Variants in EFNA5 observed in about 807,000 individuals in gnomAD.
EFNA5 encodes the protein ephrin A5, also known as ephrin-A5.
In EFNA5, 5 loss-of-function variants were observed where a neutral mutation model predicts 22.9. The observed-to-expected ratio is 0.22, with a 90% CI of 0.11 to 0.46. The LOEUF is 0.46. Ranked by LOEUF, EFNA5 falls within the 20% of genes least tolerant of loss-of-function variation. The probability of loss-of-function intolerance (pLI) is 0.99; values close to 1 mark genes in which losing one functional copy is unlikely to be tolerated. For synonymous variants in EFNA5, 113 were observed against 112.2 expected (o/e 1.01, Z -0.04); for missense variants, 237 against 293.3 (o/e 0.81, Z 1.40).
At chr5:107,527,691 T>C (rs962903779) in intron 1 of EFNA5, among the ~76,000 whole-genome samples, 1 of 152,214 alleles carries the variant, frequency 6.6e-6, no homozygotes, top group African/African-American at 2.4e-5. Context: ...AAAATTAATT[T>C]TCCTTTTCAG....
intron 1 of EFNA5, among the ~76,000 whole-genome samples, chr5:107,547,194 T>C (rs1461532978): frequency 2.6e-5 from 4 of 152,132 alleles, no homozygotes; most frequent in African/African-American, 9.7e-5. Flanking sequence ...TGTCTGAAAA[T>C]TGGAATGCAG....
chr5:107,446,522 G>A (rs1749400163), intron 1 of EFNA5, among the ~76,000 whole-genome samples: 1 of 152,134 alleles, frequency 6.6e-6, no homozygotes, highest in Non-Finnish European at 1.5e-5. Flanking sequence ...GGCTGAGGCA[G>A]GCAGATCACG....
At chr5:107,625,107 A>G (rs1671581571) in intron 1 of EFNA5, among the ~76,000 whole-genome samples, 1 of 152,154 alleles carries the variant, frequency 6.6e-6, no homozygotes, top group African/African-American at 2.4e-5. Context: ...ACTCACCAAA[A>G]TAACTTCCAA....
chr5:107,536,010 C>T (rs1226692384), intron 1 of EFNA5, among the ~76,000 whole-genome samples: 2 of 152,136 alleles, frequency 1.3e-5, no homozygotes, highest in Admixed American at 6.6e-5. Flanking sequence ...CTCTATATCC[C>T]TCTCCCCACT....
chr5:107,591,918 A>G (rs1209949127), intron 1 of EFNA5, among the ~76,000 whole-genome samples: 2 of 6,832 alleles, frequency 2.9e-4, no homozygotes, highest in African/African-American at 2.0e-3. Context: ...TATAAAAAAT[A>G]TATATATAAT....
chr5:107,650,401 C>T (rs1012925686), intron 1 of EFNA5, among the ~76,000 whole-genome samples: 7 of 152,104 alleles, frequency 4.6e-5, no homozygotes, highest in African/African-American at 9.7e-5. Flanking sequence ...GAAGAATTTA[C>T]TGGCTGTTAA....
intron 1 of EFNA5, among the ~76,000 whole-genome samples, chr5:107,571,464 A>T (rs745328615): frequency 4.5e-4 from 63 of 140,946 alleles, no homozygotes; most frequent in Non-Finnish European, 8.6e-4. Flanking sequence ...AGTTTCAAAA[A>T]ACAAAACGCT....
intron 1 of EFNA5, among the ~76,000 whole-genome samples, chr5:107,621,483 C>G (rs976658043): frequency 6.6e-6 from 1 of 152,158 alleles, no homozygotes; most frequent in Admixed American, 6.5e-5. Flanking sequence ...ATGTGGCCTA[C>G]TTAAAGTCCA....
chr5:107,419,980 T>A (rs1194765709), intron 2 of EFNA5, among the ~76,000 whole-genome samples: 1 of 152,114 alleles, frequency 6.6e-6, no homozygotes, highest in Non-Finnish European at 1.5e-5. Context: ...AAAGACTACC[T>A]CCTGCTTTGA....
chr5:107,656,918 C>T (rs1750837386), intron 1 of EFNA5, among the ~76,000 whole-genome samples: 1 of 152,050 alleles, frequency 6.6e-6, no homozygotes, highest in Admixed American at 6.6e-5. Flanking sequence ...TTTTTAATAT[C>T]TTACTTTCTG....
At chr5:107,381,524 A>C in intron 4 of EFNA5, 148 bp from the exon 5 acceptor site, 2 of 895,640 alleles carry the variant, frequency 2.2e-6, no homozygotes, top group Middle Eastern at 3.7e-4. Flanking sequence ...CTGCATAATC[A>C]CTCATTATTT....
At chr5:107,387,341 C>G in intron 3 of EFNA5, 26 bp from the exon 4 acceptor site, 10 of 1,490,628 alleles carry the variant, frequency 6.7e-6, no homozygotes, top group Non-Finnish European at 9.2e-6. Flanking sequence ...AGATAACAGC[C>G]AAATATGTTA....
chr5:107,543,469 A>T (rs1748087364), intron 1 of EFNA5, among the ~76,000 whole-genome samples: 1 of 152,222 alleles, frequency 6.6e-6, no homozygotes, highest in Admixed American at 6.5e-5. Context: ...TTACCCAAAA[A>T]ATCACACAAA....
chr5:107,532,478 T>C (rs1747832756), intron 1 of EFNA5, among the ~76,000 whole-genome samples: 2 of 152,206 alleles, frequency 1.3e-5, no homozygotes, highest in South Asian at 2.1e-4. Flanking sequence ...GCAATCCCTC[T>C]AGGAATTAGC....
At chr5:107,546,955 C>T (rs938161042) in intron 1 of EFNA5, among the ~76,000 whole-genome samples, 4 of 152,092 alleles carry the variant, frequency 2.6e-5, no homozygotes, top group Admixed American at 1.3e-4. Flanking sequence ...TTGCTAAGGC[C>T]TAAGCAAGCA....
At chr5:107,534,052 C>A (rs896653747) in intron 1 of EFNA5, among the ~76,000 whole-genome samples, 1 of 152,164 alleles carries the variant, frequency 6.6e-6, no homozygotes, top group Non-Finnish European at 1.5e-5. Flanking sequence ...AGCACCTGAG[C>A]CACACACAGA....
chr5:107,637,294 G>T (rs376239846), intron 1 of EFNA5, among the ~76,000 whole-genome samples: 1 of 152,088 alleles, frequency 6.6e-6, no homozygotes, highest in Non-Finnish European at 1.5e-5. Flanking sequence ...AATGACTTTT[G>T]GTTAAAATAA....
chr5:107,441,262 T>C (rs1387429480), intron 1 of EFNA5, among the ~76,000 whole-genome samples: 1 of 152,066 alleles, frequency 6.6e-6, no homozygotes, highest in African/African-American at 2.4e-5. Flanking sequence ...TCTATAAACG[T>C]GATTAGGGAA....
At chr5:107,409,085 T>G (rs538553570) in intron 2 of EFNA5, among the ~76,000 whole-genome samples, 1 of 152,148 alleles carries the variant, frequency 6.6e-6, no homozygotes, top group Non-Finnish European at 1.5e-5. Flanking sequence ...ATTAGAGCCC[T>G]TGGCAATCTG....
Sources: allele counts gnomAD v4.1 joint callset (sites outside exome capture counted in the v4.1 genomes callset), GRCh38; gene constraint gnomAD v4.1.1; transcripts MANE v1.5; gene names NCBI Gene and HGNC (gene_info 2026-07-23, HGNC 2026-07-21).